The following GRIK1 variants were observed in gnomAD, a reference collection of about 807,000 sequenced individuals.
GRIK1 encodes glutamate receptor ionotropic, kainate 1.
GRIK1 carries 69 observed loss-of-function variants against 105.7 expected under a neutral mutation model. The ratio of observed to expected loss-of-function variants is 0.65; its 90% CI spans 0.54 to 0.80. The LOEUF (loss-of-function observed/expected upper bound fraction) is 0.80, where lower values mean the gene tolerates loss of function less well. Among genes scored for constraint, GRIK1 ranks in the 30% least tolerant of loss-of-function variants. The pLI is 0.00. For missense variants in GRIK1, 1,109 were observed against 1,167.3 expected (o/e 0.95, Z 0.73); for synonymous variants, 438 against 431.3 (o/e 1.02, Z -0.19).
At chr21:29,677,936 C>T (rs1465535943) in intron 3 of GRIK1, among the ~76,000 whole-genome samples, 1 of 152,224 alleles carries the variant, frequency 6.6e-6, no homozygotes, top group Non-Finnish European at 1.5e-5. Context: ...CTCTACCTTA[C>T]ACCGCAGTCC....
chr21:29,759,220 C>T (rs2065442266), intron 1 of GRIK1, among the ~76,000 whole-genome samples: 1 of 151,818 alleles, frequency 6.6e-6, no homozygotes, highest in Non-Finnish European at 1.5e-5. Context: ...CAGGTTCACG[C>T]CATTCTCCTG....
At chr21:29,924,101 A>C (rs1348771837) in intron 1 of GRIK1, among the ~76,000 whole-genome samples, 2 of 152,100 alleles carry the variant, frequency 1.3e-5, no homozygotes, top group East Asian at 3.9e-4. Context: ...GCACTTTGGG[A>C]GGCCGAGATG....
intron 3 of GRIK1, among the ~76,000 whole-genome samples, chr21:29,682,380 C>T (rs2063397563): frequency 2.0e-5 from 3 of 152,102 alleles, no homozygotes; most frequent in African/African-American, 7.2e-5. Flanking sequence ...TAAGGGCTGG[C>T]GTCGTTGTGA....
At chr21:29,787,803 T>C (rs1456361341) in intron 1 of GRIK1, among the ~76,000 whole-genome samples, 1 of 152,214 alleles carries the variant, frequency 6.6e-6, no homozygotes, top group Non-Finnish European at 1.5e-5. Context: ...ATCTTGCTAG[T>C]GACTTCATTT....
intron 1 of GRIK1, among the ~76,000 whole-genome samples, chr21:29,701,943 G>A (rs1382754979): frequency 1.3e-5 from 2 of 152,194 alleles, no homozygotes; most frequent in Non-Finnish European, 1.5e-5. Context: ...TGACCAAGAC[G>A]AGGAACGATG....
rs374761387 is a variant in GRIK1, at chr21:29,799,969, A to G, written c.119-105906T>C. 1.5e-4 allele frequency among the ~76,000 whole-genome samples: 23 copies of G among 152,356 alleles called. No homozygotes were observed. In the South Asian group the frequency reaches 4.8e-3, roughly 32 times the overall value. On this transcript the variant is annotated intron_variant, in intron 1 of 17. Coordinates refer to ENST00000327783, the MANE Select transcript of GRIK1 (RefSeq NM_001330994.2). ...TGAATTTTGTTAAGTGGAAAATAAT[A>G]AAATTTATTTAATCATAAGAGGCTT...
intron 14 of GRIK1, among the ~76,000 whole-genome samples, chr21:29,571,565 T>A (rs769320354): frequency 5.9e-5 from 9 of 152,184 alleles, no homozygotes; most frequent in Non-Finnish European, 1.0e-4. Flanking sequence ...GGATTTTGAA[T>A]GAAATTTTAG....
intron 1 of GRIK1, among the ~76,000 whole-genome samples, chr21:29,741,134 A>G (rs992992977): frequency 1.3e-5 from 2 of 152,154 alleles, no homozygotes; most frequent in African/African-American, 4.8e-5. Context: ...TGTTCCTCCA[A>G]ACTATCCTTT....
intron 1 of GRIK1, among the ~76,000 whole-genome samples, chr21:29,835,591 C>A (rs1488963631): frequency 6.6e-6 from 1 of 152,146 alleles, no homozygotes; most frequent in Non-Finnish European, 1.5e-5. Flanking sequence ...TTGTTGAGGA[C>A]ATTTTAGGGT....
chr21:29,655,319 A>C (rs182874180), intron 4 of GRIK1, among the ~76,000 whole-genome samples: 12 of 152,172 alleles, frequency 7.9e-5, no homozygotes, highest in Admixed American at 7.2e-4. Context: ...GAGGCGGGAG[A>C]ATCGCTTGAA....
chr21:29,868,267 G>C (rs2068894911), intron 1 of GRIK1, among the ~76,000 whole-genome samples: 1 of 152,186 alleles, frequency 6.6e-6, no homozygotes, highest in South Asian at 2.1e-4. Context: ...CCACACAGAT[G>C]ATGACAACTG....
chr21:29,725,519 G>C (rs2146875864), intron 1 of GRIK1, among the ~76,000 whole-genome samples: 1 of 152,292 alleles, frequency 6.6e-6, no homozygotes, highest in South Asian at 2.1e-4. Context: ...GAGGCAAGCA[G>C]CTGTTTGAAA....
At position 29,561,862 on chromosome 21, in the gene GRIK1, A is replaced by G. The variant is rs757185025; in HGVS notation, c.2131-13T>C. Reference sequence around the variant, plus strand: ...AGATTTTTGATTTCTGGAGGGAAAGAAAACACACTCACCAGCAGAAGAGGG... The same window carrying G: ...AGATTTTTGATTTCTGGAGGGAAAGGAAACACACTCACCAGCAGAAGAGGG... On this transcript the variant is annotated splice_polypyrimidine_tract_variant and intron_variant, in intron 14 of 17. Transcript: ENST00000327783. 4.0e-6 allele frequency: 6 copies of G among 1,506,224 alleles called. No individual in the cohort carries two copies. In the African/African-American group the frequency reaches 6.9e-5, roughly 17 times the overall value. The allele number at this position is 1,506,224 out of a possible 1,614,324, so 93.3% of individuals were successfully genotyped here. A position where few individuals can be genotyped will look rare whatever the true frequency, so the allele number is the denominator to read the frequency against.
chr21:29,628,712 G>A (rs2062189021), intron 7 of GRIK1, among the ~76,000 whole-genome samples: 1 of 152,176 alleles, frequency 6.6e-6, no homozygotes, highest in South Asian at 2.1e-4. Context: ...TGAAGTGGGT[G>A]GGAATGGGGC....
chr21:29,869,299 T>C (rs1601901260), intron 1 of GRIK1, among the ~76,000 whole-genome samples: 1 of 152,248 alleles, frequency 6.6e-6, no homozygotes, highest in African/African-American at 2.4e-5. Context: ...GCCATTAAAT[T>C]ATGCAACCGG....
chr21:29,707,857 A>G (rs578156116), intron 1 of GRIK1, among the ~76,000 whole-genome samples: 1 of 152,194 alleles, frequency 6.6e-6, no homozygotes, highest in East Asian at 1.9e-4. Flanking sequence ...TTCAATGGCT[A>G]TTTAATATTT....
intron 1 of GRIK1, among the ~76,000 whole-genome samples, chr21:29,766,104 C>G (rs1481126931): frequency 6.6e-6 from 1 of 152,072 alleles, no homozygotes; most frequent in African/African-American, 2.4e-5. Context: ...CCGCCTTGGC[C>G]TCCAAAAGTG....
intron 4 of GRIK1, among the ~76,000 whole-genome samples, chr21:29,668,337 T>C (rs570577922): frequency 1.3e-5 from 2 of 152,304 alleles, no homozygotes; most frequent in African/African-American, 4.8e-5. Flanking sequence ...AGAAGGGAGC[T>C]TCCTCTCTTT....
At chr21:29,879,922 A>G (rs892191416) in intron 1 of GRIK1, among the ~76,000 whole-genome samples, 5 of 152,136 alleles carry the variant, frequency 3.3e-5, no homozygotes, top group Non-Finnish European at 7.4e-5. Context: ...ACCATCTTAA[A>G]GGCCTATTAG....
Sources: allele counts gnomAD v4.1 joint callset (sites outside exome capture counted in the v4.1 genomes callset), GRCh38; gene constraint gnomAD v4.1.1; transcripts MANE v1.5; gene names NCBI Gene and HGNC (gene_info 2026-07-23, HGNC 2026-07-21).